Variants in UCN3 observed in about 807,000 individuals in gnomAD.
The protein encoded by UCN3 is urocortin 3.
UCN3 carries 3 observed loss-of-function variants against 3.6 expected under a neutral mutation model. The observed-to-expected ratio is 0.83, with a 90% CI of 0.38 to 2.15. The LOEUF is 2.15. Ranked by LOEUF, UCN3 falls within the 30% of genes most tolerant of loss-of-function variation. The pLI, the probability that UCN3 is intolerant of heterozygous loss-of-function variation, is 0.06. For synonymous variants in UCN3, 100 were observed against 93.2 expected, an observed-to-expected ratio of 1.07 and a Z score of -0.42; for missense variants, 206 against 208.3, an observed-to-expected ratio of 0.99 and a Z score of 0.07.
chr10:5,372,027 G>A (rs1053015633), intron 1 of UCN3, among the ~76,000 whole-genome samples: 7 of 152,222 alleles, frequency 4.6e-5, no homozygotes, highest in South Asian at 2.1e-4. Flanking sequence ...CAGGCATGTC[G>A]GGGTGTGAGC....
At chr10:5,370,859 G>T (rs144517487) in intron 1 of UCN3, among the ~76,000 whole-genome samples, 1 of 113,520 alleles carries the variant, frequency 8.8e-6, no homozygotes, top group Non-Finnish European at 1.8e-5. Flanking sequence ...GCGCGTGTGT[G>T]TGCGTGTGTA....
chr10:5,369,929 G>GTGTGTA (rs879984951), intron 1 of UCN3, among the ~76,000 whole-genome samples: 3 of 88,018 alleles, frequency 3.4e-5, no homozygotes, highest in South Asian at 5.0e-4. Flanking sequence ...GTGTGTATGT[G>GTGTGTA]TGTGTGTGTA....
intron 1 of UCN3, among the ~76,000 whole-genome samples, chr10:5,370,514 T>TGC (rs1491234929): frequency 2.1e-5 from 2 of 93,830 alleles, no homozygotes; most frequent in African/African-American, 4.1e-5. Context: ...CGTGTGTATA[T>TGC]GTGTGTGTAT....
At position 5,369,875 on chromosome 10, in the gene UCN3, A is replaced by ATGTGTGTGTATATG. The variant is rs782275674; in HGVS notation, c.-6-3804_-6-3791dup. Among the ~76,000 whole-genome samples the ATGTGTGTGTATATG allele has an allele frequency of 5.5e-3, 460 of 84,384 alleles. 62 individuals carry two copies. Among genetic ancestry groups the ATGTGTGTGTATATG allele is most frequent in the African/African-American group, 0.02 (388 of 19,680 alleles). 55.4% of individuals were successfully genotyped at this position (84,384 alleles called of 152,430 possible). A position where few individuals can be genotyped will look rare whatever the true frequency, so the allele number is the denominator to read the frequency against. On this transcript the variant is annotated intron_variant, in intron 1 of 1. Transcript: ENST00000380433. ...TTTATCCACGTGGGTGTGTGTGTAT[A>ATGTGTGTGTATATG]TGTGTGTGTATATGTGTGTGTGTAT... is the stretch of plus-strand genomic sequence containing the variant.
At position 5,366,566 on chromosome 10, in the gene UCN3, A is replaced by T. The variant is rs550181686; in HGVS notation, c.-7+1336A>T. Among the ~76,000 whole-genome samples, 5 of 152,322 alleles carry T rather than the reference A, an allele frequency of 3.3e-5. 1 individual carries two copies. The highest frequency in any genetic ancestry group is 3.4e-3 in the Middle Eastern group (1 of 294). On this transcript the variant is annotated intron_variant, in intron 1 of 1. Coordinates refer to ENST00000380433, the MANE Select transcript of UCN3 (RefSeq NM_053049.4). The surrounding 1 kb of genome is among the most constrained non-coding windows in gnomAD (Gnocchi z 4.2). ...CCTTTTCTTTTATCCTATAAACCCT[A>T]AACAAATCTAAACAGATCCTAAAAA...
chr10:5,370,541 G>A (rs1370082377), intron 1 of UCN3, among the ~76,000 whole-genome samples: 1 of 86,336 alleles, frequency 1.2e-5, no homozygotes, highest in Non-Finnish European at 2.2e-5. Context: ...GTGTATATGC[G>A]TGTATATGTG....
In UCN3 at chr10:5,370,893, A is replaced by G. The variant is rs374533819; in HGVS notation, c.-6-2822A>G. Reference sequence around the variant, plus strand: ...TATGTGTGTGTATATGCGTGTGTATATGCGTGTGTATATGCGTGTGTATAT... The same window carrying G: ...TATGTGTGTGTATATGCGTGTGTATGTGCGTGTGTATATGCGTGTGTATAT... On this transcript the variant is annotated intron_variant, in intron 1 of 1. Coordinates refer to ENST00000380433, the MANE Select transcript of UCN3 (RefSeq NM_053049.4). Among the ~76,000 whole-genome samples the G allele has an allele frequency of 4.6e-3, 577 of 124,538 alleles. 42 individuals carry two copies. Among genetic ancestry groups the G allele is most frequent in the East Asian group, 0.015 (58 of 3,860 alleles). The allele number at this position is 124,538 out of a possible 152,430, so 81.7% of individuals were successfully genotyped here. A position where few individuals can be genotyped will look rare whatever the true frequency, so the allele number is the denominator to read the frequency against.
rs1290858866 is a variant in UCN3 at position 5,373,731 on chromosome 10, C to T, written c.11C>T (p.Pro4Leu). 5 of 1,613,336 alleles carry T rather than the reference C, an allele frequency of 3.1e-6. No individual in the cohort carries two copies. The highest frequency in any genetic ancestry group is 1.3e-5 in the African/African-American group (1 of 74,858). MLMPVHFLLLLLLL... is the reference protein window; with the variant it reads MLMLVHFLLLLLLL... ...CTGCTGCAGGGAGAGATGCTGATGC[C>T]GGTCCACTTCCTGCTGCTCCTGCTG... Residue 4 changes from proline (P) to leucine (L), a missense_variant, in exon 2 of 2, where the codon CCG (proline) becomes CTG (leucine). Coordinates refer to ENST00000380433, the MANE Select transcript of UCN3 (RefSeq NM_053049.4).
chr10:5,370,472 CGTGTGTATATGTGTGTATGT>C (rs1238423318), intron 1 of UCN3, among the ~76,000 whole-genome samples: 3 of 13,164 alleles, frequency 2.3e-4, no homozygotes, highest in Admixed American at 1.0e-3. Context: ...TGTGTATATG[CGTGTGTATATGTGTGTATGT>C]GTGTGTATAT....
intron 1 of UCN3, among the ~76,000 whole-genome samples, chr10:5,372,902 C>T (rs1234820607): frequency 2.6e-5 from 4 of 151,818 alleles, no homozygotes; most frequent in African/African-American, 9.7e-5. Context: ...TCAATGGGTC[C>T]CTAGAGACTA....
intron 1 of UCN3, among the ~76,000 whole-genome samples, chr10:5,370,604 C>CGTGTATAT (rs1831378273): frequency 1.0e-4 from 3 of 29,250 alleles, no homozygotes; most frequent in African/African-American, 2.8e-4. Flanking sequence ...TGTGTGTATG[C>CGTGTATAT]GTGTGTATAT....
chr10:5,369,577 T>G (rs1273280995), intron 1 of UCN3, among the ~76,000 whole-genome samples: 2 of 152,228 alleles, frequency 1.3e-5, no homozygotes, highest in African/African-American at 4.8e-5. Flanking sequence ...CCAAAGCCTG[T>G]GTTGTTCTCA....
intron 1 of UCN3, among the ~76,000 whole-genome samples, chr10:5,370,303 GTA>G (rs1178356767): frequency 1.6e-5 from 1 of 63,682 alleles, no homozygotes; most frequent in Non-Finnish European, 2.9e-5. Flanking sequence ...GTATGCGTGT[GTA>G]TATGCGTGTA....
At position 5,366,301 on chromosome 10, in the gene UCN3, AG is replaced by A. The variant is rs1326714254; in HGVS notation, c.-7+1073del. Among the ~76,000 whole-genome samples, 6 of 152,350 alleles carry A rather than the reference AG, an allele frequency of 3.9e-5. No individual in the cohort carries two copies. In the East Asian group the frequency reaches 1.2e-3, roughly 29 times the overall value. ...AAGTGCTACTGTCACCATAGCCCAAAGGAATGGTTGAGTTTCAGGCACCCAG... is the reference window on the plus strand; with the variant it reads ...AAGTGCTACTGTCACCATAGCCCAAAGAATGGTTGAGTTTCAGGCACCCAG... On this transcript the variant is annotated intron_variant, in intron 1 of 1. Coordinates refer to ENST00000380433, the MANE Select transcript of UCN3 (RefSeq NM_053049.4). This position sits in a 1 kb window ranked among gnomAD's most constrained non-coding sequence, Gnocchi z 4.2.
chr10:5,369,931 G>GTGTATA (rs1831323013), intron 1 of UCN3, among the ~76,000 whole-genome samples: 1 of 127,166 alleles, frequency 7.9e-6, no homozygotes, highest in East Asian at 2.8e-4. Context: ...GTGTATGTGT[G>GTGTATA]TGTGTGTATG....
At chr10:5,369,919 GTGTGTA>G (rs1299130242) in intron 1 of UCN3, among the ~76,000 whole-genome samples, 3 of 127,454 alleles carry the variant, frequency 2.4e-5, no homozygotes, top group Non-Finnish European at 3.3e-5. Flanking sequence ...GTGTATATGT[GTGTGTA>G]TGTGTGTGTG....
chr10:5,370,859 GTGCGTGTGTA>G (rs1831406074), intron 1 of UCN3, among the ~76,000 whole-genome samples: 1 of 113,520 alleles, frequency 8.8e-6, no homozygotes, highest in African/African-American at 3.8e-5. Flanking sequence ...GCGCGTGTGT[GTGCGTGTGTA>G]TGTGTGTGTA....
intron 1 of UCN3, among the ~76,000 whole-genome samples, chr10:5,372,499 C>T (rs905739964): frequency 1.3e-4 from 20 of 152,162 alleles, no homozygotes; most frequent in Non-Finnish European, 2.4e-4. Flanking sequence ...TGAGGGTCAT[C>T]GAGTCGGACG....
intron 1 of UCN3, among the ~76,000 whole-genome samples, chr10:5,370,305 ATATGCGTG>A (rs1274567870): frequency 1.4e-4 from 4 of 29,094 alleles, no homozygotes; most frequent in Middle Eastern, 0.021. Context: ...ATGCGTGTGT[ATATGCGTG>A]TATGTGTGTG....
Sources: gnomAD v4.1 joint callset for allele counts (sites outside exome capture counted in the v4.1 genomes callset) on GRCh38, gnomAD v4.1.1 for gene constraint, Gnocchi (gnomAD v3.1) non-coding constraint, MANE v1.5 for transcripts, NCBI Gene and HGNC (gene_info 2026-07-23, HGNC 2026-07-21) for gene names.